The following CMSS1 variants were observed in gnomAD, a reference collection of about 807,000 sequenced individuals.
The protein encoded by CMSS1 is cms1 ribosomal small subunit homolog, also known as protein CMSS1.
CMSS1 carries 33 observed loss-of-function variants against 43.5 expected under a neutral mutation model. The observed-to-expected ratio is 0.76, with a 90% CI of 0.57 to 1.01. The LOEUF is 1.01. CMSS1 is among the 50% of genes least tolerant of loss of function. CMSS1 has a pLI of 0.00. For synonymous variants in CMSS1, 115 were observed against 117.2 expected (o/e 0.98, Z 0.12); for missense variants, 313 against 326.4 (o/e 0.96, Z 0.32).
At chr3:99,843,911 G>A (rs574852350) in intron 1 of CMSS1, among the ~76,000 whole-genome samples, 14 of 152,300 alleles carry the variant, frequency 9.2e-5, no homozygotes, top group African/African-American at 2.6e-4. Context: ...CATGCGAGGG[G>A]TCTAGGCTGA....
At chr3:100,091,834 G>A (rs1472842347) in intron 1 of CMSS1, among the ~76,000 whole-genome samples, 1 of 152,122 alleles carries the variant, frequency 6.6e-6, no homozygotes, top group Non-Finnish European at 1.5e-5. Flanking sequence ...TGATTCACAG[G>A]TACATTGTTC....
intron 1 of CMSS1, among the ~76,000 whole-genome samples, chr3:100,058,207 A>C (rs1247998500): frequency 2.0e-5 from 3 of 152,214 alleles, no homozygotes; most frequent in Non-Finnish European, 4.4e-5. Context: ...ATTACTCTCT[A>C]TACCCTACTG....
At chr3:100,161,767 G>T (rs959291114) in intron 3 of CMSS1, among the ~76,000 whole-genome samples, 2 of 152,096 alleles carry the variant, frequency 1.3e-5, no homozygotes, top group Non-Finnish European at 2.9e-5. Flanking sequence ...ACTTTGCATA[G>T]GGCCACTTTA....
chr3:99,970,505 C>T (rs1244502661), intron 1 of CMSS1, among the ~76,000 whole-genome samples: 1 of 152,274 alleles, frequency 6.6e-6, no homozygotes, highest in Non-Finnish European at 1.5e-5. Context: ...CACTCCCAAA[C>T]TACTTCTACC....
intron 1 of CMSS1, among the ~76,000 whole-genome samples, chr3:100,047,128 T>C (rs1429109627): frequency 6.6e-6 from 1 of 152,188 alleles, no homozygotes; most frequent in African/African-American, 2.4e-5. Flanking sequence ...TCCTTGTTGG[T>C]AAAATGGGTA....
At chr3:99,863,811 A>G (rs1458890823) in intron 1 of CMSS1, among the ~76,000 whole-genome samples, 1 of 152,226 alleles carries the variant, frequency 6.6e-6, no homozygotes, top group Non-Finnish European at 1.5e-5. Context: ...ATGTACTTGT[A>G]GAGTTTCTTT....
At chr3:100,147,349 C>A (rs911494678) in intron 2 of CMSS1, among the ~76,000 whole-genome samples, 15 of 144,210 alleles carry the variant, frequency 1.0e-4, no homozygotes, top group African/African-American at 3.9e-4. Context: ...TGGCTCACTG[C>A]AACCTTGACC....
intron 1 of CMSS1, chr3:99,924,501 G>T: frequency 7.7e-7 from 1 of 1,305,424 alleles, no homozygotes; most frequent in Non-Finnish European, 1.1e-6. Context: ...GATTAATTCG[G>T]CAGTGGGTTT....
chr3:99,930,703 G>A, intron 1 of CMSS1: 1 of 1,561,272 alleles, frequency 6.4e-7, no homozygotes, highest in Non-Finnish European at 8.8e-7. Flanking sequence ...TGTGGCAGCA[G>A]GAACACCAAA....
intron 1 of CMSS1, among the ~76,000 whole-genome samples, chr3:99,967,795 A>G (rs1323279965): frequency 1.3e-5 from 2 of 152,226 alleles, no homozygotes; most frequent in South Asian, 2.1e-4. Flanking sequence ...AATTCAACCA[A>G]TACTCCTTGA....
intron 1 of CMSS1, among the ~76,000 whole-genome samples, chr3:99,837,030 G>A (rs560569583): frequency 3.9e-5 from 6 of 152,278 alleles, no homozygotes; most frequent in South Asian, 2.1e-4. Context: ...AGTAATAATC[G>A]TCCATTGTTC....
At chr3:99,829,749 C>G (rs890772022) in intron 1 of CMSS1, among the ~76,000 whole-genome samples, 1 of 152,252 alleles carries the variant, frequency 6.6e-6, no homozygotes, top group East Asian at 1.9e-4. Context: ...ATTCATGTCT[C>G]CCTAAAATAT....
intron 1 of CMSS1, among the ~76,000 whole-genome samples, chr3:100,069,448 G>C (rs74324458): frequency 6.6e-6 from 1 of 152,122 alleles, no homozygotes; most frequent in African/African-American, 2.4e-5. Context: ...AGAGAAAGGA[G>C]ATGGCTGGTT....
At chr3:100,161,353 C>T (rs746886680) in intron 3 of CMSS1, among the ~76,000 whole-genome samples, 7 of 152,030 alleles carry the variant, frequency 4.6e-5, no homozygotes, top group South Asian at 4.2e-4. Context: ...ACTTTAACTT[C>T]GCTTTGATAA....
chr3:99,963,430 G>A (rs1408622537), intron 1 of CMSS1, among the ~76,000 whole-genome samples: 1 of 152,144 alleles, frequency 6.6e-6, no homozygotes, highest in African/African-American at 2.4e-5. Flanking sequence ...TAAGGATATA[G>A]CACAGAAGTA....
chr3:100,126,685 T>A (rs1190058751), intron 1 of CMSS1, among the ~76,000 whole-genome samples: 1 of 152,142 alleles, frequency 6.6e-6, no homozygotes, highest in Non-Finnish European at 1.5e-5. Context: ...AACTAAGAGC[T>A]AGATATTGAA....
At chr3:100,129,561 A>G (rs1300626555) in intron 1 of CMSS1, among the ~76,000 whole-genome samples, 1 of 152,238 alleles carries the variant, frequency 6.6e-6, no homozygotes, top group Non-Finnish European at 1.5e-5. Flanking sequence ...TAAAAATATT[A>G]CTGCTGATTA....
intron 1 of CMSS1, among the ~76,000 whole-genome samples, chr3:100,066,186 A>G (rs1213938643): frequency 2.0e-5 from 3 of 152,208 alleles, no homozygotes. Context: ...TGACAGCAGT[A>G]TAATGATTTT....
chr3:100,095,476 T>C (rs1414063529), intron 1 of CMSS1, among the ~76,000 whole-genome samples: 1 of 151,660 alleles, frequency 6.6e-6, no homozygotes, highest in Non-Finnish European at 1.5e-5. Context: ...TATACTACAG[T>C]GAACTTAATT....
Sources: gnomAD v4.1 joint callset for allele counts (sites outside exome capture counted in the v4.1 genomes callset) on GRCh38, gnomAD v4.1.1 for gene constraint, MANE v1.5 for transcripts, NCBI Gene and HGNC (gene_info 2026-07-23, HGNC 2026-07-21) for gene names.